The following C4orf36 variants were observed in gnomAD, a reference collection of about 807,000 sequenced individuals.
C4orf36 encodes uncharacterized protein C4orf36.
In C4orf36, 11 loss-of-function variants were observed where a neutral mutation model predicts 12.2. The ratio of observed to expected loss-of-function variants is 0.90; its 90% CI spans 0.57 to 1.49. C4orf36 has a LOEUF of 1.49. Among genes scored for constraint, C4orf36 ranks in the 40% most tolerant of loss-of-function variants. C4orf36 has a pLI of 0.00. For missense variants in C4orf36, 137 were observed against 133.9 expected (o/e 1.02, Z -0.11); for synonymous variants, 54 against 51.3 (o/e 1.05, Z -0.22).
At chr4:86,934,773 C>T in the C4orf36 span, 1 of 152,266 alleles carries the variant, frequency 6.6e-6, no homozygotes, top group Non-Finnish European at 1.5e-5. Flanking sequence ...GGGGCAGGGT[C>T]ACCCTCGCGA....
rs1404434057 is a variant in C4orf36 at position 86,885,306 on chromosome 4, G to A, written c.*2+2452C>T. Among the ~76,000 whole-genome samples, 13 of 152,102 alleles carry A rather than the reference G, an allele frequency of 8.5e-5. No homozygotes were observed. The South Asian group carries it at 1.9e-3, about 22-fold the overall frequency. On this transcript the variant is annotated intron_variant, in intron 4 of 4. Transcript: ENST00000295898. The stretch of plus-strand genomic sequence containing the variant: ...CCTTGGGCAGTATGGCCATTTTCAC[G>A]ATATTGATTCTTCCTATCCATGAGC...
chr4:86,933,915 A>G, the C4orf36 span, among the ~76,000 whole-genome samples: 1 of 152,240 alleles, frequency 6.6e-6, no homozygotes, highest in Non-Finnish European at 1.5e-5. Context: ...TATATTTTGG[A>G]AAACAATCCA....
chr4:86,890,123 T>A (rs773670716), intron 2 of C4orf36: 2 of 440,628 alleles, frequency 4.5e-6, no homozygotes, highest in South Asian at 3.1e-5. Context: ...GCCCAGGAGG[T>A]GCACAACATT....
At chr4:86,880,265 G>A (rs1747020463) in intron 4 of C4orf36, among the ~76,000 whole-genome samples, 1 of 152,180 alleles carries the variant, frequency 6.6e-6, no homozygotes, top group African/African-American at 2.4e-5. Context: ...TTGAGGTCAG[G>A]AGTTCGAGAC....
the C4orf36 span, among the ~76,000 whole-genome samples, chr4:86,931,895 C>T: frequency 1.3e-5 from 2 of 151,774 alleles, no homozygotes; most frequent in African/African-American, 2.4e-5. Flanking sequence ...ATTGGCCGGG[C>T]GTGGTGGCAG....
upstream of C4orf36, among the ~76,000 whole-genome samples, chr4:86,894,606 T>C (rs774745985): frequency 6.6e-6 from 1 of 152,200 alleles, no homozygotes; most frequent in African/African-American, 2.4e-5. Flanking sequence ...GAACTCCATT[T>C]CCAGCATATG....
the C4orf36 span, chr4:86,913,301 A>G: frequency 2.8e-6 from 2 of 721,850 alleles, no homozygotes; most frequent in South Asian, 1.4e-5. Flanking sequence ...TTGAAATCCT[A>G]AATTGTCATG....
At chr4:86,894,436 A>T (rs890266784), upstream of C4orf36, among the ~76,000 whole-genome samples, 12 of 152,144 alleles carry the variant, frequency 7.9e-5, no homozygotes, top group Admixed American at 1.3e-4. Context: ...AGATGAAAAA[A>T]CAGAGACAGA....
the C4orf36 span, chr4:86,925,875 C>CTTTTTTTTTTTTT: frequency 7.9e-6 from 1 of 126,532 alleles, no homozygotes; most frequent in Non-Finnish European, 1.7e-5. Flanking sequence ...TTTTTTTTTC[C>CTTTTTTTTTTTTT]TTTTTTTTTT....
the C4orf36 span, among the ~76,000 whole-genome samples, chr4:86,899,098 A>G: frequency 6.6e-6 from 1 of 152,102 alleles, no homozygotes; most frequent in African/African-American, 2.4e-5. Context: ...CTCAAAAATA[A>G]ATACAGAACT....
At chr4:86,917,095 T>C in the C4orf36 span, among the ~76,000 whole-genome samples, 3 of 152,038 alleles carry the variant, frequency 2.0e-5, no homozygotes, top group Non-Finnish European at 4.4e-5. Flanking sequence ...CTGGGCAACA[T>C]AGTAAGACAC....
the C4orf36 span, among the ~76,000 whole-genome samples, chr4:86,930,418 A>G: frequency 6.6e-6 from 1 of 152,256 alleles, no homozygotes; most frequent in Non-Finnish European, 1.5e-5. Flanking sequence ...CTACTATTTA[A>G]TTGGTTATGT....
At chr4:86,887,055 T>C (rs1393095701) in intron 4 of C4orf36, 3 of 151,720 alleles carry the variant, frequency 2.0e-5, no homozygotes, top group Admixed American at 6.6e-5. Context: ...TAGGTGAGAA[T>C]TGAAAAATGA....
chr4:86,936,067 C>A, the C4orf36 span: 1 of 152,190 alleles, frequency 6.6e-6, no homozygotes, highest in African/African-American at 2.4e-5. Context: ...GTTTTCTCTT[C>A]CCGGAGCTTC....
At chr4:86,889,110 G>A (rs1286802250) in intron 2 of C4orf36, among the ~76,000 whole-genome samples, 4 of 152,124 alleles carry the variant, frequency 2.6e-5, no homozygotes, top group Admixed American at 1.3e-4. Context: ...AACACTTTGG[G>A]AGGCTGAGGT....
At chr4:86,936,151 T>G in the C4orf36 span, 1 of 152,162 alleles carries the variant, frequency 6.6e-6, no homozygotes, top group African/African-American at 2.4e-5. Flanking sequence ...TGGAGATGTG[T>G]CCGAATCTCC....
chr4:86,936,076 TCTC>T, the C4orf36 span: 1 of 152,106 alleles, frequency 6.6e-6, no homozygotes, highest in Non-Finnish European at 1.5e-5. Flanking sequence ...TCCCGGAGCT[TCTC>T]CACCACCAGC....
chr4:86,877,872 A>T (rs1475712211), intron 4 of C4orf36, among the ~76,000 whole-genome samples: 1 of 152,210 alleles, frequency 6.6e-6, no homozygotes, highest in Non-Finnish European at 1.5e-5. Flanking sequence ...CATTTCTATA[A>T]TTACAGATGT....
At chr4:86,884,012 C>G (rs1747106897) in intron 4 of C4orf36, among the ~76,000 whole-genome samples, 1 of 151,840 alleles carries the variant, frequency 6.6e-6, no homozygotes, top group South Asian at 2.1e-4. Flanking sequence ...AAAAAAATAC[C>G]AGAAGATCCT....
Sources: gnomAD v4.1 joint callset for allele counts (sites outside exome capture counted in the v4.1 genomes callset) on GRCh38, gnomAD v4.1.1 for gene constraint, MANE v1.5 for transcripts, NCBI Gene and HGNC (gene_info 2026-07-23, HGNC 2026-07-21) for gene names.